The following GRIN2A variants were observed in gnomAD, a reference collection of about 807,000 sequenced individuals.
GRIN2A encodes glutamate ionotropic receptor NMDA type subunit 2A.
In GRIN2A, 22 loss-of-function variants were observed where a neutral mutation model predicts 113.4. The ratio of observed to expected loss-of-function variants is 0.19; its 90% CI spans 0.14 to 0.28. The LOEUF is 0.28. Among genes scored for constraint, GRIN2A ranks in the 10% least tolerant of loss-of-function variants. GRIN2A has a pLI of 1.00. For synonymous variants in GRIN2A, 827 were observed against 738.4 expected, an observed-to-expected ratio of 1.12 and a Z score of -1.94; for missense variants, 1,502 against 1,887.0, an observed-to-expected ratio of 0.80 and a Z score of 3.78.
chr16:9,791,751 C>T (rs1474104099), intron 11 of GRIN2A, among the ~76,000 whole-genome samples: 2 of 151,832 alleles, frequency 1.3e-5, no homozygotes, highest in Non-Finnish European at 2.9e-5. Context: ...GCACGGGGTC[C>T]CCTGCCGTCA....
At chr16:9,961,765 T>C (rs1294606748) in intron 2 of GRIN2A, among the ~76,000 whole-genome samples, 4 of 152,238 alleles carry the variant, frequency 2.6e-5, no homozygotes, top group South Asian at 4.1e-4. Flanking sequence ...TTCACAGAAT[T>C]GGAAAAAACT....
chr16:10,131,350 C>T (rs2049058095), intron 2 of GRIN2A, among the ~76,000 whole-genome samples: 1 of 152,148 alleles, frequency 6.6e-6, no homozygotes, highest in Admixed American at 6.5e-5. Context: ...CTAGGCTGTT[C>T]TCAGTTACAA....
intron 3 of GRIN2A, among the ~76,000 whole-genome samples, chr16:9,915,450 T>A (rs1430560590): frequency 1.3e-5 from 2 of 152,184 alleles, no homozygotes; most frequent in Admixed American, 6.5e-5. Flanking sequence ...AAACAAGTAT[T>A]TTTCTGTGAA....
chr16:9,924,085 T>C (rs1432517337), intron 3 of GRIN2A, among the ~76,000 whole-genome samples: 1 of 122,866 alleles, frequency 8.1e-6, no homozygotes, highest in Non-Finnish European at 1.6e-5. Context: ...CACTCCAGCC[T>C]GGGCAGCAGA....
chr16:10,124,758 C>A (rs1001029198), intron 2 of GRIN2A, among the ~76,000 whole-genome samples: 5 of 152,164 alleles, frequency 3.3e-5, no homozygotes, highest in Middle Eastern at 3.2e-3. Context: ...TCTCAAGGAG[C>A]AACCATTTCA....
At chr16:10,029,842 CA>C (rs2141921112) in intron 2 of GRIN2A, among the ~76,000 whole-genome samples, 1 of 151,924 alleles carries the variant, frequency 6.6e-6, no homozygotes, top group Admixed American at 6.6e-5. Context: ...ACTAAAAATA[CA>C]AAAATTAGCC....
At chr16:9,953,577 G>T (rs1693955290) in intron 2 of GRIN2A, among the ~76,000 whole-genome samples, 1 of 152,026 alleles carries the variant, frequency 6.6e-6, no homozygotes, top group Non-Finnish European at 1.5e-5. Flanking sequence ...TTTAGAAGTT[G>T]TCTATCTGCT....
chr16:9,757,995 G>C lies in GRIN2A; in HGVS notation c.*5154C>G. 1 of 218,066 alleles carries C rather than the reference G, an allele frequency of 4.6e-6. No homozygotes were observed. The allele number at this position is 218,066 out of a possible 1,614,324, so 13.5% of individuals were successfully genotyped here. On this transcript the variant is annotated 3_prime_UTR_variant, in exon 13 of 13. Coordinates refer to ENST00000330684, the MANE Select transcript of GRIN2A (RefSeq NM_001134407.3). ...CTAGAAATAAGTCAGCCCGGTCAGA[G>C]AATCGAGCCAGAAATTGAACCATGT...
chr16:10,179,730 T>C, intron 2 of GRIN2A: 1 of 509,998 alleles, frequency 2.0e-6, no homozygotes, highest in Non-Finnish European at 3.6e-6. Context: ...CACAGCCTAC[T>C]TCTCAGTTTT....
intron 2 of GRIN2A, among the ~76,000 whole-genome samples, chr16:10,023,096 C>T (rs533350564): frequency 6.6e-6 from 1 of 152,112 alleles, no homozygotes; most frequent in Non-Finnish European, 1.5e-5. Context: ...AAAAAGAGGG[C>T]TCTACCAATG....
chr16:10,126,171 A>ATT lies in GRIN2A; in HGVS notation c.414+53825_414+53826dup, dbSNP rs386419082. Among the ~76,000 whole-genome samples the ATT allele has an allele frequency of 9.6e-3, 1,442 of 150,360 alleles. 17 individuals are homozygous for ATT. Among genetic ancestry groups the ATT allele is most frequent in the African/African-American group, 0.028 (1,134 of 40,876 alleles). On this transcript the variant is annotated intron_variant, in intron 2 of 12. Coordinates refer to ENST00000330684, the MANE Select transcript of GRIN2A (RefSeq NM_001134407.3). ...GATGGATTTCTTTATATATATATAT[A>ATT]TTTTTTTTTGAGATAGGATCTCGCT...
intron 3 of GRIN2A, among the ~76,000 whole-genome samples, chr16:9,895,170 A>G (rs2043779498): frequency 6.6e-6 from 1 of 152,234 alleles, no homozygotes; most frequent in Non-Finnish European, 1.5e-5. Context: ...AAATAGAGAT[A>G]TGGACTAAGT....
intron 3 of GRIN2A, among the ~76,000 whole-genome samples, chr16:9,905,690 A>G (rs1415506060): frequency 4.6e-5 from 7 of 152,168 alleles, no homozygotes; most frequent in Non-Finnish European, 1.0e-4. Flanking sequence ...GGATCTTCGA[A>G]AAAGTCCTCC....
intron 2 of GRIN2A, among the ~76,000 whole-genome samples, chr16:10,132,504 C>T (rs2049087070): frequency 6.6e-6 from 1 of 152,178 alleles, no homozygotes; most frequent in African/African-American, 2.4e-5. Flanking sequence ...TAAAGCCACA[C>T]ATTGAGCTAT....
chr16:10,018,289 A>T (rs1045561415), intron 2 of GRIN2A, among the ~76,000 whole-genome samples: 2 of 152,196 alleles, frequency 1.3e-5, no homozygotes, highest in Non-Finnish European at 2.9e-5. Flanking sequence ...GGTGGGTGTT[A>T]TAAGAATTCT....
At chr16:10,126,190 T>G (rs2048933172) in intron 2 of GRIN2A, among the ~76,000 whole-genome samples, 1 of 150,964 alleles carries the variant, frequency 6.6e-6, no homozygotes. Flanking sequence ...TGAGATAGGA[T>G]CTCGCTCTGT....
chr16:9,843,691 C>G (rs924158387), intron 5 of GRIN2A, among the ~76,000 whole-genome samples: 4 of 152,206 alleles, frequency 2.6e-5, no homozygotes. Flanking sequence ...AGACTTTACT[C>G]TCTTGCCTAG....
At chr16:9,934,613 G>C (rs962839751) in intron 3 of GRIN2A, among the ~76,000 whole-genome samples, 9 of 139,066 alleles carry the variant, frequency 6.5e-5, no homozygotes, top group African/African-American at 2.4e-4. Flanking sequence ...CCAGGAGGCA[G>C]AGGTTGTAGT....
chr16:10,138,466 A>G (rs1393232113), intron 2 of GRIN2A, among the ~76,000 whole-genome samples: 2 of 152,152 alleles, frequency 1.3e-5, no homozygotes, highest in Non-Finnish European at 2.9e-5. Flanking sequence ...GTAGAAAAGA[A>G]GCAATTGACA....
Sources: gnomAD v4.1 joint callset for allele counts (sites outside exome capture counted in the v4.1 genomes callset) on GRCh38, gnomAD v4.1.1 for gene constraint, MANE v1.5 for transcripts, NCBI Gene and HGNC (gene_info 2026-07-23, HGNC 2026-07-21) for gene names.